EXD3: variants seen among roughly 807,000 people sequenced by gnomAD.
The protein encoded by EXD3 is exonuclease 3'-5' domain containing 3, also known as exonuclease mut-7 homolog.
EXD3 carries 92 observed loss-of-function variants against 98.0 expected under a neutral mutation model. That is an observed-to-expected ratio of 0.94 (90% CI 0.79 to 1.12). The LOEUF is 1.12. Among genes scored for constraint, EXD3 ranks in the 50% most tolerant of loss-of-function variants. The pLI is 0.00. For synonymous variants in EXD3, 569 were observed against 526.0 expected, an observed-to-expected ratio of 1.08 and a Z score of -1.12; for missense variants, 1,222 against 1,191.6, an observed-to-expected ratio of 1.03 and a Z score of -0.38.
chr9:137,410,599 G>A (rs76544018), intron 1 of EXD3, among the ~76,000 whole-genome samples: 1,723 of 152,072 alleles, frequency 0.011, 34 homozygotes, highest in African/African-American at 0.04. Flanking sequence ...ACAGAACGTT[G>A]GGTTCTGAGA....
rs1564205013 is a variant in EXD3, at chr9:137,394,704, CG to C, written c.55+598del. On this transcript the variant is annotated intron_variant, in intron 2 of 21. Coordinates refer to ENST00000340951, the MANE Select transcript of EXD3 (RefSeq NM_017820.5). ...CACTGAATCTGGCAGGGCAGCCGAG[CG>C]AGCGGGGATGCGGCCTCCCCGGCTT... Among the ~76,000 whole-genome samples, 7 of 46,960 alleles carry C rather than the reference CG, an allele frequency of 1.5e-4. No homozygotes were observed. In the South Asian group the frequency reaches 2.1e-3, roughly 14 times the overall value. The allele number at this position is 46,960 out of a possible 152,430, so 30.8% of individuals were successfully genotyped here.
At position 137,311,969 on chromosome 9, in the gene EXD3, G is replaced by A. The variant is rs1040326728; in HGVS notation, c.2185-2269C>T. Reference sequence around the variant, plus strand: ...CCCTGAGACCCGCCCCCCAGCACTCGGGGGCTGAGAGCCCCTGCCCTCCCA... The same window carrying A: ...CCCTGAGACCCGCCCCCCAGCACTCAGGGGCTGAGAGCCCCTGCCCTCCCA... On this transcript the variant is annotated intron_variant, in intron 19 of 21. Transcript: ENST00000340951. Among the ~76,000 whole-genome samples the A allele has an allele frequency of 2.6e-5, 4 of 152,196 alleles. No individual in the cohort carries two copies. The South Asian group carries it at 6.2e-4, about 24-fold the overall frequency.
intron 19 of EXD3, among the ~76,000 whole-genome samples, chr9:137,315,431 C>A (rs2119064874): frequency 6.6e-6 from 1 of 152,338 alleles, no homozygotes; most frequent in East Asian, 1.9e-4. Context: ...GCTGGCAGCT[C>A]TGAAGCCTGT....
At position 137,405,221 on chromosome 9, in the gene EXD3, C is replaced by T. The variant is rs1159841165; in HGVS notation, c.-47-9817G>A. 6.6e-6 allele frequency among the ~76,000 whole-genome samples: 1 copy of T among 152,238 alleles called. No individual in the cohort carries two copies. Among genetic ancestry groups the T allele is most frequent in the Non-Finnish European group, 1.5e-5 (1 of 68,030 alleles). On this transcript the variant is annotated intron_variant, in intron 1 of 21. Coordinates refer to ENST00000340951, the MANE Select transcript of EXD3 (RefSeq NM_017820.5). This position sits in a 1 kb window ranked among gnomAD's most constrained non-coding sequence, Gnocchi z 4.1. ...TTGGACCTCCTAACTGCGCTGGGGT[C>T]CGGCACAGTGGGCTCTGACCCACAG... is the stretch of plus-strand genomic sequence containing the variant.
At chr9:137,355,587 AGAAAGGGC>A (rs199501267) in intron 8 of EXD3, among the ~76,000 whole-genome samples, 313 of 10,466 alleles carry the variant, frequency 0.03, 55 homozygotes, top group Middle Eastern at 0.12. Flanking sequence ...AGGAGGAAGG[AGAAAGGGC>A]GGAAGGAGAA....
intron 17 of EXD3, among the ~76,000 whole-genome samples, chr9:137,331,872 C>T (rs770758245): frequency 3.3e-5 from 5 of 151,968 alleles, no homozygotes; most frequent in South Asian, 2.1e-4. Flanking sequence ...GCCGAGAGGG[C>T]GCCACTGCAC....
At chr9:137,398,985 C>T (rs1837359214) in intron 1 of EXD3, among the ~76,000 whole-genome samples, 1 of 152,178 alleles carries the variant, frequency 6.6e-6, no homozygotes, top group Non-Finnish European at 1.5e-5. Flanking sequence ...CAACCATGTC[C>T]CCGTGACACG....
chr9:137,419,519 A>C (rs918224051), intron 1 of EXD3, among the ~76,000 whole-genome samples: 4 of 151,888 alleles, frequency 2.6e-5, no homozygotes, highest in African/African-American at 4.8e-5. Flanking sequence ...AAAATACAAA[A>C]TTAGCTGGGC....
intron 1 of EXD3, among the ~76,000 whole-genome samples, chr9:137,408,519 C>A (rs1837843886): frequency 7.7e-6 from 1 of 129,734 alleles, no homozygotes; most frequent in Non-Finnish European, 1.6e-5. Context: ...TACACTCCAG[C>A]CTGGGCGATA....
In EXD3 at chr9:137,385,030, C is replaced by T. The variant is rs547647305; in HGVS notation, c.56-1653G>A. ...CAGCATGAACCCGGGAGGCGGAGGT[C>T]GCAGTGAGCCGAGATCGGGCCACTG... On this transcript the variant is annotated intron_variant, in intron 2 of 21. Transcript: ENST00000340951. The surrounding 1 kb of genome is among the most constrained non-coding windows in gnomAD (Gnocchi z 4.4). Among the ~76,000 whole-genome samples, 5 of 152,132 alleles carry T rather than the reference C, an allele frequency of 3.3e-5. No individual in the cohort carries two copies. The highest frequency in any genetic ancestry group is 1.9e-4 in the East Asian group (1 of 5,162).
chr9:137,352,523 A>G, intron 11 of EXD3, 97 bp downstream of exon 11: 1 of 1,217,026 alleles, frequency 8.2e-7, no homozygotes, highest in South Asian at 1.6e-5. Flanking sequence ...CTAATTCTCA[A>G]GCCACTGGCG....
chr9:137,338,730 C>CAAA (rs773079416), intron 17 of EXD3, among the ~76,000 whole-genome samples: 1 of 80,522 alleles, frequency 1.2e-5, no homozygotes, highest in African/African-American at 4.3e-5. Context: ...ACTAAAAATA[C>CAAA]AAAAAAAAAA....
In EXD3 at chr9:137,371,861, G is replaced by A. The variant is rs142541632; in HGVS notation, c.462+1044C>T. ...GAATCTCAGGGCACCGAGAAGTCATGGGGGCTCCCCTGCACCTGCAGGAAC... is the reference window on the plus strand; with the variant it reads ...GAATCTCAGGGCACCGAGAAGTCATAGGGGCTCCCCTGCACCTGCAGGAAC... On this transcript the variant is annotated intron_variant, in intron 5 of 21. Transcript: ENST00000340951. The surrounding 1 kb of genome is among the most constrained non-coding windows in gnomAD (Gnocchi z 8.0). 2.5e-3 allele frequency among the ~76,000 whole-genome samples: 385 copies of A among 151,962 alleles called. 5 individuals are homozygous for A. Among genetic ancestry groups the A allele is most frequent in the Non-Finnish European group, 3.5e-3 (239 of 67,938 alleles).
chr9:137,383,614 G>C (rs1836435471), intron 2 of EXD3, among the ~76,000 whole-genome samples: 1 of 152,196 alleles, frequency 6.6e-6, no homozygotes, highest in African/African-American at 2.4e-5. Flanking sequence ...AGTCCGCCCA[G>C]CAGCACTTCA....
At chr9:137,404,752 T>G (rs1271281915) in intron 1 of EXD3, among the ~76,000 whole-genome samples, 1 of 151,804 alleles carries the variant, frequency 6.6e-6, no homozygotes, top group Non-Finnish European at 1.5e-5. Flanking sequence ...CTCAGCTACT[T>G]GGGAGGCTGA....
At chr9:137,420,803 C>T (rs914476182) in intron 1 of EXD3, among the ~76,000 whole-genome samples, 7 of 144,162 alleles carry the variant, frequency 4.9e-5, no homozygotes, top group African/African-American at 1.8e-4. Context: ...GGCTTGGCTT[C>T]CTAGACATGG....
At chr9:137,326,413 T>C (rs1332444740) in intron 17 of EXD3, among the ~76,000 whole-genome samples, 1 of 151,940 alleles carries the variant, frequency 6.6e-6, no homozygotes, top group Non-Finnish European at 1.5e-5. Flanking sequence ...GTAATCCCAA[T>C]ACTTTGGGAG....
intron 5 of EXD3, among the ~76,000 whole-genome samples, chr9:137,370,791 CTTTT>C (rs1158053438): frequency 2.3e-5 from 3 of 129,986 alleles, no homozygotes; most frequent in Non-Finnish European, 3.3e-5. Context: ...CCAAGAGGGC[CTTTT>C]TTTTTTTTTT....
At chr9:137,314,013 C>T (rs973176522) in intron 19 of EXD3, among the ~76,000 whole-genome samples, 3 of 152,138 alleles carry the variant, frequency 2.0e-5, no homozygotes, top group African/African-American at 4.8e-5. Flanking sequence ...GGACATTGCA[C>T]ATTTGGTCCC....
Sources: allele counts gnomAD v4.1 joint callset (sites outside exome capture counted in the v4.1 genomes callset), GRCh38; gene constraint gnomAD v4.1.1; non-coding constraint Gnocchi (gnomAD v3.1); transcripts MANE v1.5; gene names NCBI Gene and HGNC (gene_info 2026-07-23, HGNC 2026-07-21).